Variants in ANK3 observed in about 807,000 individuals in gnomAD.
The protein encoded by ANK3 is ankyrin-3.
Under a neutral mutation model 370.9 loss-of-function variants are expected in ANK3, and 57 were observed. That is an observed-to-expected ratio of 0.15 (90% CI 0.12 to 0.19). The LOEUF (loss-of-function observed/expected upper bound fraction) is 0.19, where lower values mean the gene tolerates loss of function less well. Among genes scored for constraint, ANK3 ranks in the 10% least tolerant of loss-of-function variants. ANK3 has a pLI of 1.00. For missense variants in ANK3, 4,439 were observed against 5,302.1 expected (o/e 0.84, Z 5.06); for synonymous variants, 1,929 against 1,946.3 (o/e 0.99, Z 0.23).
Position 60,200,204 on chromosome 10 carries a change from C to T in ANK3, c.1416G>A (p.Met472Ile). The change falls in exon 13 of 44, where the codon ATG becomes ATA. Residue 472 changes from methionine to isoleucine, a missense_variant. Physicochemically the swap from Met to Ile is conservative, Grantham distance 10. Around this residue, in one of 13 missense-constraint regions of ANK3, gnomAD observed 227 missense variants for 377.6 expected, o/e 0.60. Coordinates refer to ENST00000280772, the MANE Select transcript of ANK3 (RefSeq NM_020987.5). The stretch of plus-strand genomic sequence containing the variant: ...CTTCAGCTTGGCCGGAGCGAGCTGC[C>T]ATGTGCAGTGCTGTTTCTCCTCTCT... ...TNVRGETALH[M>I]AARSGQAEVV... 6.2e-7 allele frequency: 1 copy of T among 1,614,094 alleles called. No homozygotes were observed. Among genetic ancestry groups the T allele is most frequent in the Non-Finnish European group, 8.5e-7 (1 of 1,180,002 alleles).
chr10:60,263,795 C>A (rs770993528), intron 6 of ANK3, 40 bp downstream of exon 6: 3 of 1,610,344 alleles, frequency 1.9e-6, no homozygotes, highest in South Asian at 1.1e-5. Flanking sequence ...TGTCTAACAC[C>A]GGAGAGTTGC....
At chr10:60,134,621 TG>T (rs2094247746) in intron 24 of ANK3, among the ~76,000 whole-genome samples, 1 of 152,358 alleles carries the variant, frequency 6.6e-6, no homozygotes, top group East Asian at 1.9e-4. Flanking sequence ...ATGAAAACTT[TG>T]GATGTTTCAC....
chr10:60,266,429 A>C (rs1483827961), intron 5 of ANK3, among the ~76,000 whole-genome samples: 1 of 152,214 alleles, frequency 6.6e-6, no homozygotes, highest in African/African-American at 2.4e-5. Context: ...TGTTTAAATA[A>C]GAGTGTGGCA....
chr10:60,206,324 T>C (rs983187500), intron 10 of ANK3, among the ~76,000 whole-genome samples: 2 of 151,968 alleles, frequency 1.3e-5, no homozygotes, highest in African/African-American at 4.8e-5. Flanking sequence ...AATACAAAAA[T>C]TAGGCAGGCA....
At chr10:60,305,117 C>A (rs1008573390) in intron 1 of ANK3, among the ~76,000 whole-genome samples, 1 of 152,176 alleles carries the variant, frequency 6.6e-6, no homozygotes, top group Non-Finnish European at 1.5e-5. Context: ...TTCACTATCC[C>A]CATGCCCGGC....
In ANK3 at chr10:60,419,270, G is replaced by A. The variant is rs141471070; in HGVS notation, c.97-139631C>T. Among the ~76,000 whole-genome samples, 657 of 152,250 alleles carry A rather than the reference G, an allele frequency of 4.3e-3. 2 individuals carry two copies. The highest frequency in any genetic ancestry group is 6.8e-3 in the Admixed American group (104 of 15,280). On this transcript the variant is annotated intron_variant, in intron 2 of 43. Coordinates refer to the ANK3 transcript ENST00000373827. ...TCTTAGTCATTGGCTTGAAATGGGA[G>A]CTTGGGCATGGCACATCACTCATTC...
At chr10:60,276,739 G>C (rs1320008652) in intron 4 of ANK3, among the ~76,000 whole-genome samples, 1 of 152,196 alleles carries the variant, frequency 6.6e-6, no homozygotes, top group Non-Finnish European at 1.5e-5. Context: ...TAATGGATGT[G>C]ATGTTTGAAA....
At chr10:60,395,622 C>CTTTCGT (rs61600136) in intron 2 of ANK3, among the ~76,000 whole-genome samples, 21 of 41,156 alleles carry the variant, frequency 5.1e-4, no homozygotes, top group East Asian at 2.2e-3. Flanking sequence ...CTTTCGTTCT[C>CTTTCGT]TCTCTCTCTC....
At chr10:60,324,796 C>A (rs533068888) in intron 1 of ANK3, among the ~76,000 whole-genome samples, 68 of 152,262 alleles carry the variant, frequency 4.5e-4, no homozygotes, top group African/African-American at 1.5e-3. Flanking sequence ...AATATAAGGT[C>A]ATTGAGCAGT....
At chr10:60,611,153 G>A (rs775598435) in intron 2 of ANK3, among the ~76,000 whole-genome samples, 16 of 152,088 alleles carry the variant, frequency 1.1e-4, no homozygotes, top group Non-Finnish European at 2.1e-4. Flanking sequence ...AGTAACACTA[G>A]TCTCCTTAGA....
chr10:60,254,080 T>TCAGCATTTG (rs1356371403), intron 7 of ANK3, among the ~76,000 whole-genome samples: 2 of 152,104 alleles, frequency 1.3e-5, no homozygotes, highest in Non-Finnish European at 2.9e-5. Context: ...CTTATATAAA[T>TCAGCATTTG]CAGCATTTGC....
Position 60,196,639 on chromosome 10 carries a change from A to C in ANK3, c.1690-14T>G, listed in dbSNP as rs558738939. ...AGTAAATCCTTTCTGAAAAAAAAAA[A>C]ACATAAAAATAATGAACAATAGAAA... is the stretch of plus-strand genomic sequence containing the variant. On this transcript the variant is annotated splice_polypyrimidine_tract_variant and intron_variant, in intron 14 of 43. Transcript: ENST00000280772. 16 of 1,531,734 alleles carry C rather than the reference A, an allele frequency of 1.0e-5. No homozygotes were observed. The highest frequency in any genetic ancestry group is 1.8e-5 in the Admixed American group (1 of 56,428). 94.9% of individuals were successfully genotyped at this position (1,531,734 alleles called of 1,614,324 possible). A position where few individuals can be genotyped will look rare whatever the true frequency, so the allele number is the denominator to read the frequency against.
intron 29 of ANK3, among the ~76,000 whole-genome samples, chr10:60,087,617 GTTACT>G (rs1180113451): frequency 6.6e-6 from 1 of 152,058 alleles, no homozygotes; most frequent in African/African-American, 2.4e-5. Flanking sequence ...CATCTATTAA[GTTACT>G]TTAGTTCATT....
chr10:60,427,611 A>G (rs2063917961), intron 2 of ANK3, among the ~76,000 whole-genome samples: 1 of 152,184 alleles, frequency 6.6e-6, no homozygotes, highest in Non-Finnish European at 1.5e-5. Context: ...GATATCTTTC[A>G]AAAGAACATT....
At chr10:60,187,977 C>A (rs1440878221) in intron 16 of ANK3, among the ~76,000 whole-genome samples, 4 of 152,120 alleles carry the variant, frequency 2.6e-5, no homozygotes, top group African/African-American at 9.7e-5. Flanking sequence ...ACCCCCAACC[C>A]TGACTGACTC....
intron 26 of ANK3, 36 bp downstream of exon 26, chr10:60,114,189 A>G: frequency 8.4e-7 from 1 of 1,197,334 alleles, no homozygotes; most frequent in Non-Finnish European, 1.2e-6. Flanking sequence ...CTGTTCATGT[A>G]GTAGGATAAT....
At chr10:60,529,373 T>C (rs915007972) in intron 2 of ANK3, among the ~76,000 whole-genome samples, 4 of 152,186 alleles carry the variant, frequency 2.6e-5, no homozygotes, top group African/African-American at 7.2e-5. Context: ...CAGGACTGTC[T>C]TCACAGATGC....
At chr10:60,664,257 C>A (rs899338268) in intron 1 of ANK3, among the ~76,000 whole-genome samples, 6 of 152,116 alleles carry the variant, frequency 3.9e-5, no homozygotes, top group Non-Finnish European at 8.8e-5. Context: ...CAAGTTAGGG[C>A]AAACTGTAAA....
chr10:60,068,220 A>G (rs1328901253), intron 37 of ANK3, among the ~76,000 whole-genome samples: 1 of 152,224 alleles, frequency 6.6e-6, no homozygotes, highest in Non-Finnish European at 1.5e-5. Flanking sequence ...TGGATGCTCA[A>G]TGTAATGGGA....
Sources: gnomAD v4.1 joint callset for allele counts (sites outside exome capture counted in the v4.1 genomes callset) on GRCh38, gnomAD v4.1.1 for gene constraint, gnomAD v4.1.1 regional missense constraint, MANE v1.5 for transcripts, NCBI Gene and HGNC (gene_info 2026-07-23, HGNC 2026-07-21) for gene names.